Variants in DNAH8 observed in about 807,000 individuals in gnomAD.
DNAH8 encodes axonemal beta dynein heavy chain 8.
DNAH8 carries 382 observed loss-of-function variants against 562.1 expected under a neutral mutation model. The ratio of observed to expected loss-of-function variants is 0.68; its 90% CI spans 0.63 to 0.74. DNAH8 has a LOEUF of 0.74. DNAH8 is among the 30% of genes least tolerant of loss of function. The pLI, the probability that DNAH8 is intolerant of heterozygous loss-of-function variation, is 0.00. For synonymous variants in DNAH8, 1,881 were observed against 1,919.4 expected, an observed-to-expected ratio of 0.98 and a Z score of 0.52; for missense variants, 5,203 against 5,620.4, an observed-to-expected ratio of 0.93 and a Z score of 2.37.
intron 18 of DNAH8, among the ~76,000 whole-genome samples, chr6:38,788,315 C>T (rs967756822): frequency 2.0e-5 from 3 of 152,014 alleles, no homozygotes; most frequent in Admixed American, 1.3e-4. Context: ...CCATGCCCAG[C>T]TAATTTTTGT....
chr6:38,945,805 G>A (rs1761361762), intron 80 of DNAH8, among the ~76,000 whole-genome samples: 2 of 152,130 alleles, frequency 1.3e-5, no homozygotes, highest in South Asian at 4.1e-4. Flanking sequence ...TTCCTCCTGT[G>A]TGGTGGGCAT....
Position 38,938,214 on chromosome 6 carries a change from A to G in DNAH8, c.11804A>G (p.Gln3935Arg), listed in dbSNP as rs1448578145. 1 of 1,611,862 alleles carries G rather than the reference A, an allele frequency of 6.2e-7. No homozygotes were observed. The highest frequency in any genetic ancestry group is 1.1e-5 in the South Asian group (1 of 91,062). Residue 3935 changes from glutamine to arginine, a missense_variant, in exon 78 of 93, where the codon CAG becomes CGG. Coordinates refer to ENST00000327475, the MANE Select transcript of DNAH8 (RefSeq NM_001206927.2). ...SLAQFLKLFD[Q>R]SMARSEKSPL... ...GCCCAGTTCTTGAAGTTATTTGACCAGTCCATGGCCAGGTGAGTCCTCACT... is the reference window on the plus strand; with the variant it reads ...GCCCAGTTCTTGAAGTTATTTGACCGGTCCATGGCCAGGTGAGTCCTCACT...
rs1765873725 is a variant in DNAH8 at position 38,756,026 on chromosome 6, G to A, written c.1462G>A (p.Gly488Ser). The A allele has an allele frequency of 3.1e-6, 5 of 1,610,614 alleles. No individual in the cohort carries two copies. The highest frequency in any genetic ancestry group is 1.3e-5 in the African/African-American group (1 of 74,842). ...NLINAIRMIH[G>S]VSRYYNTSER... is the part of the protein sequence containing the mutation. ...GATTAATGCCATCAGAATGATTCAC[G>A]GTGTGTCAAGGTATTATAATACCTC... The change falls in exon 10 of 93, where the codon GGT becomes AGT. Residue 488 changes from glycine to serine, a missense_variant. Physicochemically the swap from Gly to Ser is moderately conservative, Grantham distance 56. This residue lies in a region of DNAH8 where 2,176 missense variants were observed against 2,365.1 expected (regional missense o/e 0.92). Coordinates refer to ENST00000327475, the MANE Select transcript of DNAH8 (RefSeq NM_001206927.2).
chr6:38,877,613 G>A (rs1411218360), intron 53 of DNAH8, among the ~76,000 whole-genome samples: 1 of 152,130 alleles, frequency 6.6e-6, no homozygotes, highest in Admixed American at 6.5e-5. Context: ...TGCACTTAGT[G>A]GTTATTTAGG....
intron 3 of DNAH8, among the ~76,000 whole-genome samples, chr6:38,726,345 G>A (rs1266195737): frequency 6.6e-6 from 1 of 152,204 alleles, no homozygotes. Context: ...CCAACTTTAA[G>A]TATTTGCCAT....
At chr6:38,913,053 G>A (rs1035937099) in intron 66 of DNAH8, among the ~76,000 whole-genome samples, 7 of 152,144 alleles carry the variant, frequency 4.6e-5, no homozygotes, top group South Asian at 2.1e-4. Context: ...TGATCCACCC[G>A]CCTTGGCCTC....
chr6:38,766,424 T>C (rs973791523), intron 11 of DNAH8, among the ~76,000 whole-genome samples: 3 of 152,140 alleles, frequency 2.0e-5, no homozygotes, highest in African/African-American at 7.2e-5. Flanking sequence ...AATTTTCAGT[T>C]ATGCAGGATG....
chr6:38,750,394 G>A (rs1237060088), intron 8 of DNAH8, 82 bp from the exon 9 acceptor site: 32 of 794,480 alleles, frequency 4.0e-5, no homozygotes, highest in Non-Finnish European at 6.0e-5. Flanking sequence ...GTATGATTAG[G>A]GAAGACTGAA....
chr6:38,715,833 C>A (rs2127555403), intron 1 of DNAH8, among the ~76,000 whole-genome samples: 1 of 138,792 alleles, frequency 7.2e-6, no homozygotes, highest in African/African-American at 2.6e-5. Context: ...CTGGATGACC[C>A]TGAAGTCTCA....
At chr6:38,771,849 A>G (rs1767606140) in intron 12 of DNAH8, among the ~76,000 whole-genome samples, 1 of 152,020 alleles carries the variant, frequency 6.6e-6, no homozygotes. Context: ...TGCTATGAAC[A>G]TTTGTGTACA....
Position 39,012,603 on chromosome 6 carries a change from T to C in DNAH8, c.13680T>C (p.Asn4560=). The change falls in exon 91 of 93, where the codon AAT becomes AAC. Residue 4560 remains asparagine, a synonymous_variant. Transcript: ENST00000327475. ...CGTGGATATTTGAAGGGAGGCCTAA[T>C]GTGTTTTGGATGACTGGTTTCTTTA... ...FSTWIFEGRP[N]VFWMTGFFNP... is the part of the protein sequence containing the mutation. 6.2e-7 allele frequency: 1 copy of C among 1,614,086 alleles called. No homozygotes were observed. Among genetic ancestry groups the C allele is most frequent in the Non-Finnish European group, 8.5e-7 (1 of 1,179,942 alleles).
intron 62 of DNAH8, among the ~76,000 whole-genome samples, chr6:38,904,362 A>G (rs2150515172): frequency 6.6e-6 from 1 of 152,290 alleles, no homozygotes; most frequent in South Asian, 2.1e-4. Context: ...TGGAAAGAAA[A>G]GATGGCTGTG....
chr6:38,998,688 T>A lies in DNAH8; in HGVS notation c.13214+8516T>A, dbSNP rs528338631. 8.5e-5 allele frequency among the ~76,000 whole-genome samples: 13 copies of A among 152,280 alleles called. No homozygotes were observed. The East Asian group carries it at 2.3e-3, about 27-fold the overall frequency. ...GTTGTTTATTTCATAGACAGCTCTG[T>A]TTTTCAGTTGTTTTGCATTTCTATT... On this transcript the variant is annotated intron_variant, in intron 88 of 92. Transcript: ENST00000327475.
In DNAH8 at chr6:38,883,451, T is replaced by A. The variant is rs1338691565; in HGVS notation, c.8131T>A (p.Phe2711Ile). Residue 2711 changes from phenylalanine (F) to isoleucine (I), a missense_variant, in exon 55 of 93, where the codon TTT becomes ATT. By Grantham distance (21) the Phe-to-Ile change is conservative (BLOSUM62 0). Coordinates refer to ENST00000327475, the MANE Select transcript of DNAH8 (RefSeq NM_001206927.2). ...NFSSATEPMM[F>I]QRTIESYVDK... ...TTCATCTGCCACAGAACCAATGATG[T>A]TTCAGGTGAAATCCATCATTTGCTG... is the stretch of plus-strand genomic sequence containing the variant. 6.2e-7 allele frequency: 1 copy of A among 1,606,202 alleles called. No individual in the cohort carries two copies. The highest frequency in any genetic ancestry group is 8.5e-7 in the Non-Finnish European group (1 of 1,177,146).
intron 88 of DNAH8, among the ~76,000 whole-genome samples, chr6:39,003,871 A>T (rs1765633954): frequency 6.6e-6 from 1 of 152,244 alleles, no homozygotes; most frequent in South Asian, 2.1e-4. Flanking sequence ...TGTATATAAA[A>T]TGTAAAGGAC....
rs879275509 is a variant in DNAH8 at position 38,943,757 on chromosome 6, G to GGGGAAAGAAAAAGAGAGA, written c.12008-1708_12008-1691dup. 9.3e-4 allele frequency among the ~76,000 whole-genome samples: 141 copies of GGGGAAAGAAAAAGAGAGA among 152,146 alleles called. 1 individual carries two copies. The highest frequency in any genetic ancestry group is 1.5e-3 in the South Asian group (7 of 4,814). On this transcript the variant is annotated intron_variant, in intron 79 of 92. Coordinates refer to ENST00000327475, the MANE Select transcript of DNAH8 (RefSeq NM_001206927.2). ...TGGACTGAACCTGGGCCTTCCAAGC[G>GGGGAAAGAAAAAGAGAGA]GGGAAAGAAAAAGAGAGAGAGAAAG...
At chr6:38,947,493 T>C (rs1761528284) in intron 80 of DNAH8, among the ~76,000 whole-genome samples, 1 of 152,214 alleles carries the variant, frequency 6.6e-6, no homozygotes, top group Non-Finnish European at 1.5e-5. Context: ...CAGCTCACTT[T>C]GAAGCTCTAC....
chr6:38,761,323 A>G (rs1766489525), intron 10 of DNAH8, among the ~76,000 whole-genome samples: 1 of 126,602 alleles, frequency 7.9e-6, no homozygotes, highest in African/African-American at 3.0e-5. Context: ...ATGTGTTCTC[A>G]TTGTTCAGTT....
chr6:38,909,499 T>C lies in DNAH8; in HGVS notation c.9514-19T>C, dbSNP rs1280526476. The C allele has an allele frequency of 6.2e-7, 1 of 1,612,320 alleles. No individual in the cohort carries two copies. The highest frequency in any genetic ancestry group is 8.5e-7 in the Non-Finnish European group (1 of 1,178,348). ...AACCCCTCTGTGTTTCTAATGTTTG[T>C]TGACTTTGCTATCAATAGGTTGGTG... On this transcript the variant is annotated intron_variant, in intron 64 of 92. Coordinates refer to ENST00000327475, the MANE Select transcript of DNAH8 (RefSeq NM_001206927.2).
Sources: gnomAD v4.1 joint callset for allele counts (sites outside exome capture counted in the v4.1 genomes callset) on GRCh38, gnomAD v4.1.1 for gene constraint, gnomAD v4.1.1 regional missense constraint, MANE v1.5 for transcripts, NCBI Gene and HGNC (gene_info 2026-07-23, HGNC 2026-07-21) for gene names.